The following ASPH variants were observed in gnomAD, a reference collection of about 807,000 sequenced individuals.
The protein encoded by ASPH is aspartate beta-hydroxylase.
Under a neutral mutation model 118.4 loss-of-function variants are expected in ASPH, and 100 were observed. The ratio of observed to expected loss-of-function variants is 0.84; its 90% CI spans 0.72 to 1.00. ASPH has a LOEUF of 1.00. ASPH is among the 50% of genes least tolerant of loss of function. The probability of loss-of-function intolerance (pLI) is 0.00; values close to 1 mark genes in which losing one functional copy is unlikely to be tolerated. For missense variants in ASPH, 920 were observed against 919.5 expected (o/e 1.00, Z -0.01); for synonymous variants, 315 against 325.6 (o/e 0.97, Z 0.35).
rs887412043 is a variant in ASPH at position 61,548,015 on chromosome 8, T to C, written c.1764+56A>G. On this transcript the variant is annotated intron_variant, in intron 21 of 24. Transcript: ENST00000379454. Reference sequence around the variant, plus strand: ...CCTTTTTATGATAAACATTTTCTGATTTTGAGGAGGAAATAGACAAAGATC... The same window carrying C: ...CCTTTTTATGATAAACATTTTCTGACTTTGAGGAGGAAATAGACAAAGATC... The C allele has an allele frequency of 3.3e-6, 5 of 1,502,216 alleles. No homozygotes were observed. In the African/African-American group the frequency reaches 5.6e-5, roughly 17 times the overall value. 93.1% of individuals were successfully genotyped at this position (1,502,216 alleles called of 1,614,324 possible).
chr8:61,664,359 T>G, intron 3 of ASPH: 1 of 974,830 alleles, frequency 1.0e-6, no homozygotes, highest in Non-Finnish European at 1.2e-6. Context: ...TGAAAGTACA[T>G]TCTAATCTGA....
intron 15 of ASPH, among the ~76,000 whole-genome samples, chr8:61,580,729 C>T (rs1166213455): frequency 1.3e-5 from 2 of 152,238 alleles, no homozygotes; most frequent in African/African-American, 4.8e-5. Flanking sequence ...TCTTTCTCCT[C>T]TGTATGTGCT....
At chr8:61,632,685 T>C in intron 13 of ASPH, 1 of 494,710 alleles carries the variant, frequency 2.0e-6, no homozygotes, top group South Asian at 1.5e-5. Context: ...ATAATTATTA[T>C]TAATGTACAT....
At position 61,653,638 on chromosome 8, in the gene ASPH, T is replaced by C; in HGVS notation, c.345A>G (p.Ser115=). The part of the protein sequence containing the change: ...VLLGLKERST[S]EPAVPPEEAE... ...CCTCTTCTGGCGGGACTGCTGGCTC[T>C]GAAGTAGATCTCTCTTTAAGTCCTG... Residue 115 remains serine (S), a synonymous_variant, in exon 4 of 25, where the codon TCA becomes TCG. Coordinates refer to ENST00000379454, the MANE Select transcript of ASPH (RefSeq NM_004318.4). 6.2e-7 allele frequency: 1 copy of C among 1,613,950 alleles called. No individual in the cohort carries two copies. The highest frequency in any genetic ancestry group is 1.1e-5 in the South Asian group (1 of 91,064).
In ASPH at chr8:61,579,713, C is replaced by T. The variant is rs1836775404; in HGVS notation, c.1063-2855G>A. ...CTCCCAGCCTACCCCTCCTGCGCTG[C>T]CCCAGAGCCTGAGAAGGAGGCCACT... On this transcript the variant is annotated intron_variant, in intron 15 of 24. Coordinates refer to ENST00000379454, the MANE Select transcript of ASPH (RefSeq NM_004318.4). 5.6e-6 allele frequency: 6 copies of T among 1,069,954 alleles called. No individual in the cohort carries two copies. In the South Asian group the frequency reaches 7.5e-5, roughly 13 times the overall value. The allele number at this position is 1,069,954 out of a possible 1,614,324, so 66.3% of individuals were successfully genotyped here. A position where few individuals can be genotyped will look rare whatever the true frequency, so the allele number is the denominator to read the frequency against.
intron 14 of ASPH, among the ~76,000 whole-genome samples, chr8:61,601,800 A>G (rs1844068836): frequency 6.6e-6 from 1 of 151,354 alleles, no homozygotes; most frequent in Admixed American, 6.6e-5. Context: ...GAGTCAGGTG[A>G]TATCATTACA....
intron 8 of ASPH, 92 bp from the exon 9 acceptor site, chr8:61,643,525 A>G: frequency 2.3e-6 from 3 of 1,287,226 alleles, no homozygotes; most frequent in Non-Finnish European, 3.3e-6. Flanking sequence ...AATTATCTTC[A>G]CAACTTTGCC....
intron 17 of ASPH, among the ~76,000 whole-genome samples, chr8:61,564,316 T>G (rs1351307587): frequency 6.6e-6 from 1 of 150,528 alleles, no homozygotes; most frequent in Non-Finnish European, 1.5e-5. Context: ...TTTTTTTTTT[T>G]GAGATGGAGT....
chr8:61,529,197 A>G (rs1816630360), intron 21 of ASPH, among the ~76,000 whole-genome samples: 1 of 152,154 alleles, frequency 6.6e-6, no homozygotes, highest in South Asian at 2.1e-4. Flanking sequence ...AGAAGGTCAC[A>G]TTTAGGCACA....
At position 61,643,235 on chromosome 8, in the gene ASPH, G is replaced by A. The variant is rs1806143026; in HGVS notation, c.757+151C>T. 1.5e-5 allele frequency: 11 copies of A among 723,054 alleles called. No homozygotes were observed. In the South Asian group the frequency reaches 2.6e-4, roughly 17 times the overall value. 44.8% of individuals were successfully genotyped at this position (723,054 alleles called of 1,614,324 possible). A position where few individuals can be genotyped will look rare whatever the true frequency, so the allele number is the denominator to read the frequency against. On this transcript the variant is annotated intron_variant, in intron 9 of 24. Coordinates refer to ENST00000379454, the MANE Select transcript of ASPH (RefSeq NM_004318.4). ...ATGAAAGCCTGATATTCTTATAACA[G>A]TCTAACTTTGTTATAAAACAAAATC...
At chr8:61,695,570 G>A (rs1035276106) in intron 1 of ASPH, among the ~76,000 whole-genome samples, 1 of 152,112 alleles carries the variant, frequency 6.6e-6, no homozygotes, top group Non-Finnish European at 1.5e-5. Flanking sequence ...ACCTCCTCAA[G>A]GAAGCCTTCC....
chr8:61,615,366 G>A (rs947260948), intron 14 of ASPH, among the ~76,000 whole-genome samples: 12 of 152,188 alleles, frequency 7.9e-5, no homozygotes, highest in African/African-American at 2.9e-4. Context: ...TGCTCATTCT[G>A]TTTTCCTTTC....
At chr8:61,688,459 T>A (rs1380138933) in intron 1 of ASPH, among the ~76,000 whole-genome samples, 3 of 152,064 alleles carry the variant, frequency 2.0e-5, no homozygotes, top group African/African-American at 7.2e-5. Flanking sequence ...GGAAGGGCAA[T>A]GTGTAGTTTT....
chr8:61,674,208 A>G (rs1824084425), intron 3 of ASPH, among the ~76,000 whole-genome samples: 1 of 152,218 alleles, frequency 6.6e-6, no homozygotes, highest in African/African-American at 2.4e-5. Flanking sequence ...GGTGAATTTC[A>G]TTGAGTGGGG....
intron 24 of ASPH, among the ~76,000 whole-genome samples, chr8:61,515,481 T>A (rs1420848754): frequency 6.6e-6 from 1 of 152,182 alleles, no homozygotes; most frequent in East Asian, 1.9e-4. Context: ...GTCTTCTAAA[T>A]ACAGATGTTT....
rs773910017 is a variant in ASPH, at chr8:61,548,070, C to T, written c.1764+1G>A. On this transcript the variant is annotated splice_donor_variant, in intron 21 of 24. Transcript: ENST00000379454. LOFTEE classifies it high-confidence loss of function. Reference sequence around the variant, plus strand: ...GAGGATGATGTCTAAGTTATACTTACCTTTACTAACTCTGTGTAGCCCGTT... The same window carrying T: ...GAGGATGATGTCTAAGTTATACTTATCTTTACTAACTCTGTGTAGCCCGTT... 56 of 1,612,300 alleles carry T rather than the reference C, an allele frequency of 3.5e-5. 1 individual carries two copies. The highest frequency in any genetic ancestry group is 4.7e-5 in the Non-Finnish European group (55 of 1,179,120).
At chr8:61,550,442 T>C (rs374168631) in intron 20 of ASPH, among the ~76,000 whole-genome samples, 61 of 147,684 alleles carry the variant, frequency 4.1e-4, no homozygotes, top group African/African-American at 1.3e-3. Context: ...CACATGTACA[T>C]ACACACACAC....
chr8:61,686,206 T>A (rs1310888916), intron 1 of ASPH, among the ~76,000 whole-genome samples: 1 of 152,202 alleles, frequency 6.6e-6, no homozygotes, highest in Non-Finnish European at 1.5e-5. Context: ...AAGCTGGCTA[T>A]ATAAAAACGT....
At chr8:61,524,534 C>T (rs941334671) in intron 22 of ASPH, among the ~76,000 whole-genome samples, 9 of 152,044 alleles carry the variant, frequency 5.9e-5, no homozygotes, top group Admixed American at 5.2e-4. Context: ...ATGTAAATTC[C>T]ATTCAATGGG....
Sources: allele counts gnomAD v4.1 joint callset (sites outside exome capture counted in the v4.1 genomes callset), GRCh38; gene constraint gnomAD v4.1.1; transcripts MANE v1.5; gene names NCBI Gene and HGNC (gene_info 2026-07-23, HGNC 2026-07-21).